Variants in LRRTM3 observed in about 807,000 individuals in gnomAD.
LRRTM3 encodes leucine-rich repeat transmembrane neuronal protein 3.
Under a neutral mutation model 44.7 loss-of-function variants are expected in LRRTM3, and 24 were observed. That is an observed-to-expected ratio of 0.54 (90% CI 0.39 to 0.76). The LOEUF (loss-of-function observed/expected upper bound fraction) is 0.76. LRRTM3 is among the 30% of genes least tolerant of loss of function. LRRTM3 has a pLI of 0.00. For missense variants in LRRTM3, 587 were observed against 702.2 expected, an observed-to-expected ratio of 0.84 and a Z score of 1.85; for synonymous variants, 277 against 278.7, an observed-to-expected ratio of 0.99 and a Z score of 0.06.
Position 66,927,536 on chromosome 10 carries a change from T to G in LRRTM3, c.620T>G (p.Leu207Arg). ...ARNVFAGMIR[L>R]KELHLEHNQF... The stretch of plus-strand genomic sequence containing the variant: ...AATGTCTTTGCTGGCATGATCAGAC[T>G]CAAAGAACTTCACCTGGAGCACAAT... The change falls in exon 2 of 3, where the codon CTC (leucine) becomes CGC (arginine). Residue 207 changes from leucine (L) to arginine (R), a missense_variant. Coordinates refer to ENST00000361320, the MANE Select transcript of LRRTM3 (RefSeq NM_178011.5). This position sits in a 1 kb window ranked among gnomAD's most constrained non-coding sequence, Gnocchi z 4.7. The G allele has an allele frequency of 6.2e-7, 1 of 1,614,166 alleles. No homozygotes were observed.
chr10:66,957,977 G>A (rs1221902332), intron 2 of LRRTM3, among the ~76,000 whole-genome samples: 2 of 152,108 alleles, frequency 1.3e-5, no homozygotes, highest in African/African-American at 4.8e-5. Context: ...TCATAAAGGT[G>A]AGCCTCTGTG....
intron 2 of LRRTM3, among the ~76,000 whole-genome samples, chr10:67,000,117 A>G (rs1167070099): frequency 1.3e-5 from 2 of 152,210 alleles, no homozygotes; most frequent in Non-Finnish European, 2.9e-5. Flanking sequence ...GGAAGGCTCT[A>G]TTGTAAAAAT....
chr10:66,973,634 A>C (rs1849855337), intron 2 of LRRTM3, among the ~76,000 whole-genome samples: 1 of 152,114 alleles, frequency 6.6e-6, no homozygotes, highest in South Asian at 2.1e-4. Flanking sequence ...TAAATTACTT[A>C]TTTTGTTTCA....
chr10:67,038,302 T>C (rs1854189909), intron 2 of LRRTM3, among the ~76,000 whole-genome samples: 1 of 152,138 alleles, frequency 6.6e-6, no homozygotes, highest in Non-Finnish European at 1.5e-5. Flanking sequence ...CTTCAGTCCT[T>C]CAAATGTAGT....
chr10:67,066,789 A>T (rs1296977140), intron 2 of LRRTM3, among the ~76,000 whole-genome samples: 1 of 152,232 alleles, frequency 6.6e-6, no homozygotes. Context: ...TTTAGTACTT[A>T]GACACATCTC....
At chr10:67,025,345 C>T (rs1853306326) in intron 2 of LRRTM3, among the ~76,000 whole-genome samples, 1 of 151,630 alleles carries the variant, frequency 6.6e-6, no homozygotes, top group Non-Finnish European at 1.5e-5. Context: ...AAAAAAACTC[C>T]TCTCCCCAAA....
rs1056085803 is a variant in LRRTM3, at chr10:66,987,950, C to T, written c.1536+59498C>T. On this transcript the variant is annotated intron_variant, in intron 2 of 2. Transcript: ENST00000361320. Reference sequence around the variant, plus strand: ...TTCAAATGATCTTTTAAAAACATTTCTATCATAACAAATGTGGGTTACCAA... The same window carrying T: ...TTCAAATGATCTTTTAAAAACATTTTTATCATAACAAATGTGGGTTACCAA... 1.3e-5 allele frequency among the ~76,000 whole-genome samples: 2 copies of T among 152,226 alleles called. 1 individual carries two copies. The highest frequency in any genetic ancestry group is 1.3e-4 in the Admixed American group (2 of 15,296).
chr10:67,052,313 ACTCTCTCTCTCTCTCTCTCTCT>A (rs3841706), intron 2 of LRRTM3, among the ~76,000 whole-genome samples: 1 of 121,070 alleles, frequency 8.3e-6, no homozygotes, highest in Non-Finnish European at 1.7e-5. Context: ...CCCACTCATC[ACTCTCTCTCTCTCTCTCTCTCT>A]CTCTCTCTCT....
intron 2 of LRRTM3, among the ~76,000 whole-genome samples, chr10:66,957,888 T>C (rs568232079): frequency 2.6e-5 from 4 of 152,206 alleles, no homozygotes; most frequent in South Asian, 2.1e-4. Flanking sequence ...TCTCTCCTTC[T>C]GCCACCTGGA....
At chr10:67,075,738 G>A (rs2764813) in intron 2 of LRRTM3, among the ~76,000 whole-genome samples, 87,775 of 152,032 alleles carry the variant, frequency 0.58, 25,767 homozygotes, top group Middle Eastern at 0.7. Flanking sequence ...CTAAAAGCAT[G>A]CTTCTGGAGT....
chr10:66,961,159 A>C (rs1849090923), intron 2 of LRRTM3, among the ~76,000 whole-genome samples: 1 of 152,292 alleles, frequency 6.6e-6, no homozygotes, highest in African/African-American at 2.4e-5. Flanking sequence ...TTACGAACAT[A>C]AACATTATCT....
intron 2 of LRRTM3, among the ~76,000 whole-genome samples, chr10:67,003,733 C>G (rs2132998527): frequency 6.6e-6 from 1 of 152,222 alleles, no homozygotes; most frequent in Non-Finnish European, 1.5e-5. Flanking sequence ...GGTCCTATTC[C>G]TCTAGAGACT....
At chr10:67,040,210 G>C (rs1043217533) in intron 2 of LRRTM3, among the ~76,000 whole-genome samples, 1 of 152,120 alleles carries the variant, frequency 6.6e-6, no homozygotes, top group Non-Finnish European at 1.5e-5. Context: ...GAAGACACAG[G>C]TGTTCTCTGT....
At chr10:67,001,655 A>G (rs1443367759) in intron 2 of LRRTM3, among the ~76,000 whole-genome samples, 1 of 152,212 alleles carries the variant, frequency 6.6e-6, no homozygotes, top group African/African-American at 2.4e-5. Context: ...GAAAGTTACC[A>G]CAAGACAACT....
At chr10:67,016,270 G>A (rs1174125725) in intron 2 of LRRTM3, among the ~76,000 whole-genome samples, 1 of 152,218 alleles carries the variant, frequency 6.6e-6, no homozygotes, top group Non-Finnish European at 1.5e-5. Flanking sequence ...AGCTGGAAAT[G>A]TACTGAGGAA....
Position 66,927,014 on chromosome 10 carries a change from G to T in LRRTM3, c.98G>T (p.Gly33Val). 6.2e-7 allele frequency: 1 copy of T among 1,614,112 alleles called. No homozygotes were observed. Among genetic ancestry groups the T allele is most frequent in the East Asian group, 2.2e-5 (1 of 44,862 alleles). ...ACAATGCTTTCTTCTGCCGAACGAGGATGCCCTAAGGGCTGTAGGTGTGAA... is the reference window on the plus strand; with the variant it reads ...ACAATGCTTTCTTCTGCCGAACGAGTATGCCCTAAGGGCTGTAGGTGTGAA... ...LLTMLSSAERGCPKGCRCEGK... is the reference protein window; with the variant it reads ...LLTMLSSAERVCPKGCRCEGK... Residue 33 changes from glycine (G) to valine (V), a missense_variant, in exon 2 of 3, where the codon GGA (glycine) becomes GTA (valine). By Grantham distance (109) the Gly-to-Val change is moderately radical. Around this residue, in one of 3 missense-constraint regions of LRRTM3, gnomAD observed 50 missense variants for 43.4 expected, o/e 1.15. Transcript: ENST00000361320. This position sits in a 1 kb window ranked among gnomAD's most constrained non-coding sequence, Gnocchi z 4.7.
intron 2 of LRRTM3, among the ~76,000 whole-genome samples, chr10:67,032,029 A>G (rs1853756964): frequency 6.6e-6 from 1 of 152,182 alleles, no homozygotes; most frequent in Non-Finnish European, 1.5e-5. Flanking sequence ...GCCATGCATA[A>G]TTTGTCTGCC....
At chr10:66,933,091 T>C (rs1847499616) in intron 2 of LRRTM3, among the ~76,000 whole-genome samples, 1 of 152,212 alleles carries the variant, frequency 6.6e-6, no homozygotes, top group African/African-American at 2.4e-5. Context: ...GGCAACTACC[T>C]CTTCTTTTCA....
intron 2 of LRRTM3, among the ~76,000 whole-genome samples, chr10:67,049,021 T>A (rs1369427384): frequency 1.1e-5 from 1 of 88,230 alleles, no homozygotes; most frequent in African/African-American, 4.5e-5. Flanking sequence ...AAATTTATGA[T>A]GATAACTGGT....
Sources: gnomAD v4.1 joint callset for allele counts (sites outside exome capture counted in the v4.1 genomes callset) on GRCh38, gnomAD v4.1.1 for gene constraint, gnomAD v4.1.1 regional missense constraint, Gnocchi (gnomAD v3.1) non-coding constraint, MANE v1.5 for transcripts, NCBI Gene and HGNC (gene_info 2026-07-23, HGNC 2026-07-21) for gene names.